Variants in MGST2 observed in about 807,000 individuals in gnomAD.
MGST2 encodes glutathione peroxidase MGST2.
Under a neutral mutation model 16.6 loss-of-function variants are expected in MGST2, and 9 were observed. The observed-to-expected ratio is 0.54, with a 90% CI of 0.33 to 0.95. The LOEUF (loss-of-function observed/expected upper bound fraction) is 0.95. Among genes scored for constraint, MGST2 ranks in the 40% least tolerant of loss-of-function variants. The pLI is 0.03. For synonymous variants in MGST2, 79 were observed against 68.0 expected, an observed-to-expected ratio of 1.16 and a Z score of -0.79; for missense variants, 159 against 175.1, an observed-to-expected ratio of 0.91 and a Z score of 0.52.
the MGST2 span, among the ~76,000 whole-genome samples, chr4:139,754,499 T>C: frequency 6.6e-6 from 1 of 152,246 alleles, no homozygotes; most frequent in African/African-American, 2.4e-5. Flanking sequence ...CAATTGCCTA[T>C]TGTTGGACAT....
At chr4:139,753,817 T>C in the MGST2 span, among the ~76,000 whole-genome samples, 1 of 152,148 alleles carries the variant, frequency 6.6e-6, no homozygotes, top group African/African-American at 2.4e-5. Flanking sequence ...CTGGACACCA[T>C]GGCTACCAAG....
At chr4:139,677,147 A>C (rs1426514842) in intron 1 of MGST2, among the ~76,000 whole-genome samples, 3 of 152,124 alleles carry the variant, frequency 2.0e-5, no homozygotes, top group Admixed American at 2.0e-4. Flanking sequence ...CTGAGCCTGC[A>C]TTGCTTCTGT....
chr4:139,709,826 T>A (rs1240225960), intron 5 of MGST2, among the ~76,000 whole-genome samples: 1 of 152,190 alleles, frequency 6.6e-6, no homozygotes, highest in Admixed American at 6.5e-5. Flanking sequence ...CTGTCCTGGG[T>A]GTGGCACAGA....
At position 139,734,105 on chromosome 4, in the gene MGST2, G is replaced by A. The variant is rs115868751; in HGVS notation, c.*49-6107G>A. 1.8e-3 allele frequency among the ~76,000 whole-genome samples: 274 copies of A among 152,330 alleles called. 1 individual carries two copies. Among genetic ancestry groups the A allele is most frequent in the African/African-American group, 6.3e-3 (263 of 41,574 alleles). On this transcript the variant is annotated intron_variant, in intron 5 of 5. Transcript: ENST00000616265. ...CACCTACAGCCCCCGACTCTGAGGT[G>A]TATTCCAAAGTGTGAAAATGTACTC...
downstream of MGST2, among the ~76,000 whole-genome samples, chr4:139,708,205 G>T (rs1000320326): frequency 2.0e-5 from 3 of 152,176 alleles, no homozygotes; most frequent in Non-Finnish European, 2.9e-5. Context: ...GGTCTAACAC[G>T]TAAGTCTTTA....
intron 5 of MGST2, among the ~76,000 whole-genome samples, chr4:139,725,352 T>G (rs1728425416): frequency 6.6e-6 from 1 of 152,228 alleles, no homozygotes; most frequent in East Asian, 1.9e-4. Flanking sequence ...ACAAGATTTT[T>G]GCCCCTGTAG....
intron 5 of MGST2, among the ~76,000 whole-genome samples, chr4:139,729,155 G>GC (rs1728596789): frequency 1.6e-4 from 1 of 6,372 alleles, no homozygotes; most frequent in African/African-American, 6.1e-4. Context: ...AGGAACAAAA[G>GC]CAAAAAAAAA....
chr4:139,669,576 T>C (rs1016460518), intron 1 of MGST2, among the ~76,000 whole-genome samples: 1 of 152,030 alleles, frequency 6.6e-6, no homozygotes, highest in Non-Finnish European at 1.5e-5. Flanking sequence ...CCTAAGGTCC[T>C]TCTTCGAAGA....
chr4:139,685,749 C>A (rs1435046271), intron 2 of MGST2, among the ~76,000 whole-genome samples: 1 of 152,208 alleles, frequency 6.6e-6, no homozygotes, highest in African/African-American at 2.4e-5. Flanking sequence ...CTGCAACCTC[C>A]CCTTCCTGGG....
intron 5 of MGST2, among the ~76,000 whole-genome samples, chr4:139,729,582 C>A (rs1728619809): frequency 6.6e-6 from 1 of 152,198 alleles, no homozygotes; most frequent in South Asian, 2.1e-4. Flanking sequence ...TAAGAAAGAG[C>A]CTGCTGTGCA....
rs560273740 is a variant in MGST2, at chr4:139,711,013, C to T, written c.*48+6817C>T. On this transcript the variant is annotated intron_variant, in intron 5 of 5. Coordinates refer to the MGST2 transcript ENST00000616265. ...AAATAGGGGGCTCCTTTATTTTTCCCTTTTTTTTTTTTTGTTTTGAGACAG... is the reference window on the plus strand; with the variant it reads ...AAATAGGGGGCTCCTTTATTTTTCCTTTTTTTTTTTTTTGTTTTGAGACAG... 4.2e-5 allele frequency among the ~76,000 whole-genome samples: 6 copies of T among 141,616 alleles called. No homozygotes were observed. In the East Asian group the frequency reaches 6.1e-4, roughly 14 times the overall value. The allele number at this position is 141,616 out of a possible 152,430, so 92.9% of individuals were successfully genotyped here. A position where few individuals can be genotyped will look rare whatever the true frequency, so the allele number is the denominator to read the frequency against.
At chr4:139,751,824 C>T in the MGST2 span, among the ~76,000 whole-genome samples, 1 of 152,188 alleles carries the variant, frequency 6.6e-6, no homozygotes, top group African/African-American at 2.4e-5. Flanking sequence ...ACATCTTTGA[C>T]CTCTAATCCG....
At chr4:139,679,153 C>T (rs706349) in intron 2 of MGST2, 62,713 of 160,608 alleles carry the variant, frequency 0.39, 12,969 homozygotes, top group East Asian at 0.74. Context: ...TCTTGTGCTC[C>T]TTGTTTTTTC....
At chr4:139,694,068 T>TCG (rs1462559112) in intron 2 of MGST2, among the ~76,000 whole-genome samples, 2 of 152,154 alleles carry the variant, frequency 1.3e-5, no homozygotes, top group Non-Finnish European at 2.9e-5. Context: ...GGAGTTATTA[T>TCG]TGGGGAGTTT....
intron 3 of MGST2, among the ~76,000 whole-genome samples, chr4:139,703,191 T>C (rs1285993200): frequency 2.0e-5 from 3 of 151,916 alleles, no homozygotes; most frequent in Non-Finnish European, 4.4e-5. Context: ...CCTCTCAAAG[T>C]GTTGGGAATA....
chr4:139,730,430 T>TCTG (rs3051167), intron 5 of MGST2: 22 of 1,456,288 alleles, frequency 1.5e-5, no homozygotes, highest in Admixed American at 1.0e-4. Flanking sequence ...TCCGCCAAAA[T>TCTG]CTGCTGCTGC....
intron 5 of MGST2, among the ~76,000 whole-genome samples, chr4:139,710,278 C>G (rs1253825825): frequency 5.9e-5 from 9 of 152,218 alleles, no homozygotes. Context: ...GTCTTTCTCA[C>G]TGGGGGCAGA....
chr4:139,708,995 G>C (rs775935267), downstream of MGST2, among the ~76,000 whole-genome samples: 1 of 46,818 alleles, frequency 2.1e-5, no homozygotes. Context: ...GCAAAACTCC[G>C]TCTCAAAAAA....
chr4:139,692,957 T>G lies in MGST2; in HGVS notation c.159-2240T>G, dbSNP rs959147299. Among the ~76,000 whole-genome samples, 4 of 152,356 alleles carry G rather than the reference T, an allele frequency of 2.6e-5. No homozygotes were observed. The South Asian group carries it at 8.3e-4, about 32-fold the overall frequency. ...AATTAGACTTTTATGAAGGCTAACC[T>G]GGGCTATTTTTGAAGGTGCTTTTAA... On this transcript the variant is annotated intron_variant, in intron 2 of 4. Transcript: ENST00000265498.
Sources: allele counts gnomAD v4.1 joint callset (sites outside exome capture counted in the v4.1 genomes callset), GRCh38; gene constraint gnomAD v4.1.1; transcripts MANE v1.5; gene names NCBI Gene and HGNC (gene_info 2026-07-23, HGNC 2026-07-21).